Variants in DYM observed in about 807,000 individuals in gnomAD.
DYM encodes dyggve-Melchior-Clausen syndrome protein.
Under a neutral mutation model 93.1 loss-of-function variants are expected in DYM, and 78 were observed. The observed-to-expected ratio is 0.84, with a 90% CI of 0.70 to 1.01. The LOEUF is 1.01. Among genes scored for constraint, DYM ranks in the 50% least tolerant of loss-of-function variants. The pLI is 0.00. For missense variants in DYM, 789 were observed against 845.0 expected (o/e 0.93, Z 0.82); for synonymous variants, 321 against 319.7 (o/e 1.00, Z -0.04).
chr18:49,189,415 C>T (rs2090760131), intron 14 of DYM, among the ~76,000 whole-genome samples: 1 of 152,096 alleles, frequency 6.6e-6, no homozygotes, highest in Admixed American at 6.5e-5. Context: ...TTCTAAATGG[C>T]ATATGGAGCA....
intron 17 of DYM, among the ~76,000 whole-genome samples, chr18:49,056,661 C>T (rs1040432444): frequency 6.6e-5 from 10 of 152,076 alleles, no homozygotes; most frequent in Admixed American, 3.3e-4. Flanking sequence ...CTTTAGACTC[C>T]CTAGTAGCAG....
chr18:49,198,255 T>C (rs2091663863), intron 14 of DYM, among the ~76,000 whole-genome samples: 1 of 152,180 alleles, frequency 6.6e-6, no homozygotes, highest in African/African-American at 2.4e-5. Context: ...GACTTAGATG[T>C]TAGACCTAAA....
At chr18:49,405,882 G>A (rs1599979251) in intron 2 of DYM, among the ~76,000 whole-genome samples, 2 of 152,216 alleles carry the variant, frequency 1.3e-5, no homozygotes, top group South Asian at 2.1e-4. Context: ...CCATTTGTTT[G>A]TATTGTCTAT....
chr18:49,071,168 A>G (rs1188100740), intron 17 of DYM, among the ~76,000 whole-genome samples: 1 of 152,230 alleles, frequency 6.6e-6, no homozygotes, highest in Admixed American at 6.5e-5. Flanking sequence ...AAAATGTTGA[A>G]TGCATGAATT....
At chr18:49,228,727 G>A (rs1212633561) in intron 13 of DYM, among the ~76,000 whole-genome samples, 2 of 152,056 alleles carry the variant, frequency 1.3e-5, no homozygotes, top group Non-Finnish European at 2.9e-5. Context: ...CCTTTTTCAG[G>A]TAAAAGTTGT....
chr18:49,206,003 G>GTTTTGTTTT, intron 14 of DYM: 1 of 137,944 alleles, frequency 7.2e-6, no homozygotes, highest in East Asian at 1.7e-4. Context: ...TTTTTTTTTT[G>GTTTTGTTTT]TTTTTTTGTT....
Position 49,449,964 on chromosome 18 carries a change from G to C in DYM, c.-54+10434C>G, listed in dbSNP as rs1373512485. ...AGAGTTAACAGTGCAACATGTATTTGAGATCTCTAAAGTTTTATATGCAAG... is the reference window on the plus strand; with the variant it reads ...AGAGTTAACAGTGCAACATGTATTTCAGATCTCTAAAGTTTTATATGCAAG... On this transcript the variant is annotated intron_variant, in intron 1 of 17. Transcript: ENST00000675505. 2.6e-5 allele frequency among the ~76,000 whole-genome samples: 4 copies of C among 152,104 alleles called. No individual in the cohort carries two copies. The East Asian group carries it at 7.7e-4, about 29-fold the overall frequency.
At chr18:49,430,497 C>T (rs1450724572) in intron 1 of DYM, 50 bp from the exon 2 acceptor site, 6 of 1,351,040 alleles carry the variant, frequency 4.4e-6, no homozygotes, top group Non-Finnish European at 5.1e-6. Flanking sequence ...AGTCATCATG[C>T]TTTGTCTACC....
At chr18:49,442,637 T>G (rs558442035) in intron 1 of DYM, among the ~76,000 whole-genome samples, 1 of 151,926 alleles carries the variant, frequency 6.6e-6, no homozygotes, top group South Asian at 2.1e-4. Flanking sequence ...AACTAAAATA[T>G]CTTTAGATAG....
intron 11 of DYM, among the ~76,000 whole-genome samples, chr18:49,262,534 C>T (rs1251202374): frequency 6.6e-6 from 1 of 152,174 alleles, no homozygotes; most frequent in Non-Finnish European, 1.5e-5. Flanking sequence ...ACTTTTTTCA[C>T]TCAGCATGTT....
chr18:49,187,617 A>G (rs562075263), intron 14 of DYM, among the ~76,000 whole-genome samples: 29 of 152,344 alleles, frequency 1.9e-4, no homozygotes, highest in African/African-American at 5.8e-4. Flanking sequence ...GATATTTTTA[A>G]TGGGATGATA....
chr18:49,154,634 A>G (rs1234468800), intron 15 of DYM, among the ~76,000 whole-genome samples: 1 of 152,096 alleles, frequency 6.6e-6, no homozygotes, highest in East Asian at 1.9e-4. Flanking sequence ...ACTTCAGGTG[A>G]TCCACCTGCC....
chr18:49,246,445 A>G (rs988656310), intron 13 of DYM, among the ~76,000 whole-genome samples: 8 of 152,224 alleles, frequency 5.3e-5, no homozygotes, highest in Non-Finnish European at 7.3e-5. Flanking sequence ...ATCTGGCCTT[A>G]GCATTTTATA....
intron 6 of DYM, among the ~76,000 whole-genome samples, chr18:49,340,960 T>G (rs2064070410): frequency 6.6e-6 from 1 of 152,240 alleles, no homozygotes; most frequent in Admixed American, 6.5e-5. Flanking sequence ...ACACAGGAAA[T>G]GGAAAATTGC....
chr18:49,233,892 C>T (rs1219019244), intron 13 of DYM, among the ~76,000 whole-genome samples: 3 of 151,848 alleles, frequency 2.0e-5, no homozygotes, highest in Admixed American at 6.6e-5. Flanking sequence ...TTTGGGAGGC[C>T]GAGGCGGGTG....
chr18:49,223,809 G>A (rs2093440460), intron 13 of DYM, among the ~76,000 whole-genome samples: 1 of 152,104 alleles, frequency 6.6e-6, no homozygotes, highest in Admixed American at 6.6e-5. Flanking sequence ...ATAGGACTGA[G>A]ACTGGAAGGA....
intron 11 of DYM, among the ~76,000 whole-genome samples, chr18:49,266,014 G>A (rs1333803595): frequency 6.6e-6 from 1 of 152,076 alleles, no homozygotes; most frequent in Non-Finnish European, 1.5e-5. Context: ...AAAATAATTA[G>A]CCAGGTGTGG....
At chr18:49,140,391 T>C (rs2084350672) in intron 15 of DYM, among the ~76,000 whole-genome samples, 1 of 152,192 alleles carries the variant, frequency 6.6e-6, no homozygotes, top group Non-Finnish European at 1.5e-5. Context: ...GCAAGGCTTA[T>C]TATATAATGT....
At chr18:49,339,932 T>G (rs555542294) in intron 6 of DYM, among the ~76,000 whole-genome samples, 29 of 151,970 alleles carry the variant, frequency 1.9e-4, no homozygotes, top group South Asian at 4.2e-4. Flanking sequence ...TGGGTTTTTT[T>G]GGGGTTTTTT....
Sources: gnomAD v4.1 joint callset for allele counts (sites outside exome capture counted in the v4.1 genomes callset) on GRCh38, gnomAD v4.1.1 for gene constraint, MANE v1.5 for transcripts, NCBI Gene and HGNC (gene_info 2026-07-23, HGNC 2026-07-21) for gene names.